Variants in HACL1 observed in about 807,000 individuals in gnomAD.
HACL1 encodes 2-hydroxyacyl-CoA lyase 1, also known as 1600020H07Rik.
Under a neutral mutation model 74.2 loss-of-function variants are expected in HACL1, and 64 were observed. The observed-to-expected ratio is 0.86, with a 90% CI of 0.70 to 1.06. The LOEUF (loss-of-function observed/expected upper bound fraction) is 1.06. Ranked by LOEUF, HACL1 falls within the 50% of genes least tolerant of loss-of-function variation. The pLI, the probability that HACL1 is intolerant of heterozygous loss-of-function variation, is 0.00. For missense variants in HACL1, 728 were observed against 719.7 expected, an observed-to-expected ratio of 1.01 and a Z score of -0.13; for synonymous variants, 230 against 238.8, an observed-to-expected ratio of 0.96 and a Z score of 0.34.
intron 5 of HACL1, among the ~76,000 whole-genome samples, chr3:15,587,487 T>C (rs900129256): frequency 6.8e-6 from 1 of 146,904 alleles, no homozygotes; most frequent in Admixed American, 6.8e-5. Context: ...TCATGCCCTT[T>C]AGTTTTAAGG....
intron 12 of HACL1, among the ~76,000 whole-genome samples, chr3:15,570,470 A>G (rs201449219): frequency 6.6e-6 from 1 of 151,840 alleles, no homozygotes; most frequent in African/African-American, 2.4e-5. Context: ...GCATAACTCA[A>G]ATTTTATATT....
intron 3 of HACL1, among the ~76,000 whole-genome samples, chr3:15,593,135 ATG>A: frequency 7.9e-6 from 1 of 125,896 alleles, no homozygotes; most frequent in African/African-American, 4.0e-5. Context: ...ATACGTATAT[ATG>A]TATATATACA....
At chr3:15,581,856 T>C (rs2063720445) in intron 8 of HACL1, among the ~76,000 whole-genome samples, 1 of 152,246 alleles carries the variant, frequency 6.6e-6, no homozygotes, top group South Asian at 2.1e-4. Context: ...ATCATAAGCA[T>C]TCATCAAATG....
rs776503526 is a variant in HACL1, at chr3:15,564,666, G to A, written c.1410-8C>T. ...ATGATTGGCAAGTTGTACCTAAAGT[G>A]AGAGTAAAATATGAAGGAAATCATT... On this transcript the variant is annotated splice_region_variant and splice_polypyrimidine_tract_variant and intron_variant, in intron 14 of 16. Transcript: ENST00000321169. 1.7e-6 allele frequency: 2 copies of A among 1,162,064 alleles called. No individual in the cohort carries two copies. The highest frequency in any genetic ancestry group is 2.5e-6 in the Non-Finnish European group (2 of 789,224). The allele number at this position is 1,162,064 out of a possible 1,614,324, so 72.0% of individuals were successfully genotyped here.
chr3:15,580,662 A>C (rs946200990), intron 8 of HACL1, among the ~76,000 whole-genome samples: 24 of 152,176 alleles, frequency 1.6e-4, no homozygotes, highest in Non-Finnish European at 2.6e-4. Context: ...AAGTCCCTGA[A>C]CACACTATCT....
rs778216795 is a variant in HACL1 at position 15,586,585 on chromosome 3, T to C, written c.399A>G (p.Leu133=). ...QEFPQVEACR[L]YTKFSARPSS... is the part of the protein sequence containing the mutation. ...TTGGGCGGGCAGAGAACTTGGTATA[T>C]AATCTACAAGCTTCAACCTACATGG... is the stretch of plus-strand genomic sequence containing the variant. The change falls in exon 6 of 17, where the codon TTA becomes TTG. Residue 133 remains leucine (L), a synonymous_variant. Coordinates refer to ENST00000321169, the MANE Select transcript of HACL1 (RefSeq NM_012260.4). 10 of 1,593,658 alleles carry C rather than the reference T, an allele frequency of 6.3e-6. No individual in the cohort carries two copies. Among genetic ancestry groups the C allele is most frequent in the African/African-American group, 1.3e-5 (1 of 74,552 alleles).
At chr3:15,592,449 TACAC>T (rs1256394776) in intron 3 of HACL1, among the ~76,000 whole-genome samples, 5 of 124,458 alleles carry the variant, frequency 4.0e-5, no homozygotes, top group African/African-American at 1.3e-4. Context: ...CACGTATACA[TACAC>T]ACACGTATAC....
intron 3 of HACL1, 123 bp from the exon 4 acceptor site, chr3:15,591,803 G>A: frequency 1.8e-6 from 1 of 566,396 alleles, no homozygotes; most frequent in Non-Finnish European, 3.2e-6. Flanking sequence ...TACTATAACT[G>A]ATAAAACAAT....
chr3:15,573,791 G>C (rs1457934756), intron 10 of HACL1, among the ~76,000 whole-genome samples: 1 of 152,192 alleles, frequency 6.6e-6, no homozygotes, highest in South Asian at 2.1e-4. Context: ...CAAGAACATG[G>C]CACGATTACT....
chr3:15,573,810 T>A (rs1458039179), intron 10 of HACL1, among the ~76,000 whole-genome samples: 1 of 152,244 alleles, frequency 6.6e-6, no homozygotes, highest in Non-Finnish European at 1.5e-5. Flanking sequence ...CTTCTCCATT[T>A]ACTCAGAAGT....
At position 15,591,885 on chromosome 3, in the gene HACL1, CGTATATAGTGTATACACTATATAT is replaced by C. The variant is rs1455937007; in HGVS notation, c.228-229_228-206del. On this transcript the variant is annotated intron_variant, in intron 3 of 16. Coordinates refer to ENST00000321169, the MANE Select transcript of HACL1 (RefSeq NM_012260.4). The stretch of plus-strand genomic sequence containing the variant: ...CGATATATATACATACACACATATA[CGTATATAGTGTATACACTATATAT>C]GTATATAGTGTATATATACGTATAT... Among the ~76,000 whole-genome samples the C allele has an allele frequency of 7.4e-5, 11 of 149,064 alleles. 1 individual carries two copies. The highest frequency in any genetic ancestry group is 4.2e-4 in the South Asian group (2 of 4,724).
In HACL1 at chr3:15,596,364, T is replaced by G. The variant is rs993880542; in HGVS notation, c.227+20A>C. The G allele has an allele frequency of 6.9e-7, 1 of 1,450,468 alleles. No homozygotes were observed. Among genetic ancestry groups the G allele is most frequent in the Non-Finnish European group, 9.7e-7 (1 of 1,031,086 alleles). 89.8% of individuals were successfully genotyped at this position (1,450,468 alleles called of 1,614,324 possible). ...CCCCAAAATATTAAAGTAATTGAAGTGAAACAAATTTTAGTTTACCTGCTT... is the reference window on the plus strand; with the variant it reads ...CCCCAAAATATTAAAGTAATTGAAGGGAAACAAATTTTAGTTTACCTGCTT... On this transcript the variant is annotated intron_variant, in intron 3 of 16. Coordinates refer to ENST00000321169, the MANE Select transcript of HACL1 (RefSeq NM_012260.4).
chr3:15,589,667 C>T lies in HACL1; in HGVS notation c.309-55G>A. On this transcript the variant is annotated intron_variant, in intron 4 of 16. Coordinates refer to ENST00000321169, the MANE Select transcript of HACL1 (RefSeq NM_012260.4). ...TTACAAATTAGATCATCATGTAAAA[C>T]ACTAAACACAGTGTCTAATTCACAA... The T allele has an allele frequency of 8.0e-6, 8 of 999,750 alleles. 1 individual carries two copies. In the South Asian group the frequency reaches 1.0e-4, roughly 13 times the overall value. 61.9% of individuals were successfully genotyped at this position (999,750 alleles called of 1,614,324 possible).
intron 9 of HACL1, among the ~76,000 whole-genome samples, chr3:15,576,197 T>C (rs1312328327): frequency 1.3e-5 from 2 of 151,040 alleles, no homozygotes; most frequent in Admixed American, 1.3e-4. Flanking sequence ...TCTCATTAAG[T>C]TCTTAAATAC....
intron 12 of HACL1, 102 bp from the exon 13 acceptor site, chr3:15,568,688 T>A: frequency 1.4e-6 from 1 of 700,114 alleles, no homozygotes; most frequent in Non-Finnish European, 2.4e-6. Flanking sequence ...ACGCAACAAC[T>A]ACAAGCTACA....
At chr3:15,574,703 T>C (rs2063592951) in intron 10 of HACL1, among the ~76,000 whole-genome samples, 1 of 152,222 alleles carries the variant, frequency 6.6e-6, no homozygotes, top group African/African-American at 2.4e-5. Context: ...TATACTTGAA[T>C]TGTGAATAAA....
chr3:15,592,612 G>A (rs1456013252), intron 3 of HACL1, among the ~76,000 whole-genome samples: 1 of 92,982 alleles, frequency 1.1e-5, no homozygotes, highest in African/African-American at 4.3e-5. Flanking sequence ...GCACATGTGT[G>A]CGTGTATACA....
chr3:15,592,602 G>A (rs1336904662), intron 3 of HACL1, among the ~76,000 whole-genome samples: 6 of 108,676 alleles, frequency 5.5e-5, no homozygotes, highest in Non-Finnish European at 7.5e-5. Context: ...ACACATGTAC[G>A]CACATGTGTG....
At chr3:15,598,646 G>A (rs1442785834) in intron 2 of HACL1, among the ~76,000 whole-genome samples, 1 of 152,162 alleles carries the variant, frequency 6.6e-6, no homozygotes, top group Non-Finnish European at 1.5e-5. Flanking sequence ...CTGGCCAATT[G>A]GTCAGTATGT....
Sources: gnomAD v4.1 joint callset for allele counts (sites outside exome capture counted in the v4.1 genomes callset) on GRCh38, gnomAD v4.1.1 for gene constraint, MANE v1.5 for transcripts, NCBI Gene and HGNC (gene_info 2026-07-23, HGNC 2026-07-21) for gene names.